Variants in SDK1 observed in about 807,000 individuals in gnomAD.
The protein encoded by SDK1 is sidekick cell adhesion molecule 1.
Under a neutral mutation model 245.5 loss-of-function variants are expected in SDK1, and 157 were observed. The ratio of observed to expected loss-of-function variants is 0.64; its 90% CI spans 0.56 to 0.73. The LOEUF (loss-of-function observed/expected upper bound fraction) is 0.73. SDK1 is among the 30% of genes least tolerant of loss of function. The pLI, the probability that SDK1 is intolerant of heterozygous loss-of-function variation, is 0.00. For missense variants in SDK1, 3,583 were observed against 3,002.3 expected (o/e 1.19, Z -4.52); for synonymous variants, 1,647 against 1,278.5 (o/e 1.29, Z -6.15).
At chr7:3,537,729 T>C (rs552044481) in intron 1 of SDK1, among the ~76,000 whole-genome samples, 1 of 152,290 alleles carries the variant, frequency 6.6e-6, no homozygotes, top group East Asian at 1.9e-4. Context: ...ACTTGACTCT[T>C]GATGTGTCGG....
rs138733387 is a variant in SDK1, at chr7:3,907,428, T to G, written c.848-43495T>G. ...TAATGTTTGTAAGGATTGTCTACAT[T>G]GTAGCATGTGTCAAAAACTCATTGC... On this transcript the variant is annotated intron_variant, in intron 5 of 44. Transcript: ENST00000404826. 3.0e-4 allele frequency among the ~76,000 whole-genome samples: 46 copies of G among 152,350 alleles called. No individual in the cohort carries two copies. In the East Asian group the frequency reaches 5.0e-3, roughly 17 times the overall value.
At chr7:3,677,716 T>C (rs78635010) in intron 4 of SDK1, among the ~76,000 whole-genome samples, 233 of 152,362 alleles carry the variant, frequency 1.5e-3, no homozygotes, top group African/African-American at 5.4e-3. Flanking sequence ...TGTGAATATA[T>C]ATTTTATATC....
intron 35 of SDK1, among the ~76,000 whole-genome samples, chr7:4,179,656 C>A (rs77439173): frequency 6.6e-6 from 1 of 151,932 alleles, no homozygotes; most frequent in Non-Finnish European, 1.5e-5. Flanking sequence ...CACCGAGGTA[C>A]GGCTCAGCTT....
intron 4 of SDK1, among the ~76,000 whole-genome samples, chr7:3,720,533 A>T (rs187588674): frequency 6.6e-6 from 1 of 152,372 alleles, no homozygotes. Context: ...AGGAGATATC[A>T]CTACAAACCC....
At chr7:3,375,625 C>T (rs73050538) in intron 1 of SDK1, among the ~76,000 whole-genome samples, 1 of 152,122 alleles carries the variant, frequency 6.6e-6, no homozygotes, top group African/African-American at 2.4e-5. Flanking sequence ...GAGCTGGCTA[C>T]CTTTCGTGAG....
intron 1 of SDK1, among the ~76,000 whole-genome samples, chr7:3,318,432 G>A (rs1421625329): frequency 6.6e-6 from 1 of 152,196 alleles, no homozygotes; most frequent in Admixed American, 6.5e-5. Context: ...AGGATTAGAG[G>A]AGATAATGTA....
chr7:3,560,886 G>C (rs1161095286), intron 1 of SDK1, among the ~76,000 whole-genome samples: 1 of 152,158 alleles, frequency 6.6e-6, no homozygotes, highest in Non-Finnish European at 1.5e-5. Flanking sequence ...CCAGATGGCT[G>C]TTTCCTACAC....
intron 22 of SDK1, among the ~76,000 whole-genome samples, chr7:4,103,474 G>A (rs191183440): frequency 6.6e-6 from 1 of 152,198 alleles, no homozygotes. Flanking sequence ...CACGAAAAAA[G>A]AGTCCTGGTC....
At chr7:3,835,313 G>A (rs1331178085) in intron 5 of SDK1, among the ~76,000 whole-genome samples, 1 of 152,112 alleles carries the variant, frequency 6.6e-6, no homozygotes, top group African/African-American at 2.4e-5. Flanking sequence ...TTTTATGACT[G>A]CATTTGACCT....
chr7:4,184,382 G>A (rs1280735377), intron 35 of SDK1, among the ~76,000 whole-genome samples: 1 of 152,206 alleles, frequency 6.6e-6, no homozygotes, highest in Non-Finnish European at 1.5e-5. Context: ...TTGTGCTGCT[G>A]TGGGGAGACC....
In SDK1 at chr7:3,602,894, A is replaced by G. The variant is rs1471363920; in HGVS notation, c.299-16186A>G. On this transcript the variant is annotated intron_variant, in intron 1 of 44. Transcript: ENST00000404826. Reference sequence around the variant, plus strand: ...GGAATCCAGTTTCAGCTTTCTACATATGGCTAGCCAGTTTTCCCAGCACCA... The same window carrying G: ...GGAATCCAGTTTCAGCTTTCTACATGTGGCTAGCCAGTTTTCCCAGCACCA... 5.3e-5 allele frequency among the ~76,000 whole-genome samples: 8 copies of G among 152,204 alleles called. No individual in the cohort carries two copies. In the Middle Eastern group the frequency reaches 0.01, roughly 194 times the overall value.
chr7:3,549,671 T>G (rs368720790), intron 1 of SDK1, among the ~76,000 whole-genome samples: 6 of 152,270 alleles, frequency 3.9e-5, no homozygotes, highest in African/African-American at 9.6e-5. Context: ...CTTAGGCTAT[T>G]GTAAATAAGC....
chr7:3,650,170 C>G (rs1021022315), intron 4 of SDK1, among the ~76,000 whole-genome samples: 2 of 152,184 alleles, frequency 1.3e-5, no homozygotes, highest in African/African-American at 2.4e-5. Context: ...CTGCTTTGGC[C>G]TCCCAGAGCG....
intron 1 of SDK1, among the ~76,000 whole-genome samples, chr7:3,550,794 C>T (rs1228678718): frequency 6.6e-6 from 1 of 151,926 alleles, no homozygotes; most frequent in Non-Finnish European, 1.5e-5. Flanking sequence ...GAACTCTTGC[C>T]ATATTTCCTT....
chr7:3,820,213 G>C (rs554502855), intron 4 of SDK1, among the ~76,000 whole-genome samples: 6 of 152,016 alleles, frequency 3.9e-5, no homozygotes, highest in Non-Finnish European at 7.4e-5. Context: ...GTGGCGGCGT[G>C]ATCTCAGCTC....
At chr7:4,127,565 C>A in intron 26 of SDK1, 69 bp downstream of exon 26, 1 of 1,139,958 alleles carries the variant, frequency 8.8e-7, no homozygotes, top group Non-Finnish European at 1.3e-6. Flanking sequence ...ATGTGCTATT[C>A]CCCCAAAGCA....
rs539799129 is a variant in SDK1 at position 3,625,627 on chromosome 7, T to C, written c.458+6388T>C. On this transcript the variant is annotated intron_variant, in intron 2 of 44. Coordinates refer to ENST00000404826, the MANE Select transcript of SDK1 (RefSeq NM_152744.4). ...CGTCTATGGAGTCTTATGAAATGCA[T>C]CTCAGAAGTGCCCACTCTAATGGGT... is the stretch of plus-strand genomic sequence containing the variant. Among the ~76,000 whole-genome samples the C allele has an allele frequency of 3.3e-5, 5 of 152,326 alleles. No individual in the cohort carries two copies. In the East Asian group the frequency reaches 9.6e-4, roughly 29 times the overall value.
intron 1 of SDK1, among the ~76,000 whole-genome samples, chr7:3,492,145 G>A (rs1781881547): frequency 6.6e-6 from 1 of 152,196 alleles, no homozygotes; most frequent in Admixed American, 6.5e-5. Flanking sequence ...GGATGCTAGG[G>A]AACTTAGTAA....
intron 30 of SDK1, among the ~76,000 whole-genome samples, chr7:4,157,096 C>T (rs1780779802): frequency 6.6e-6 from 1 of 152,114 alleles, no homozygotes; most frequent in African/African-American, 2.4e-5. Flanking sequence ...GAGGAACCAG[C>T]CAGTGACTGG....
Sources: gnomAD v4.1 joint callset for allele counts (sites outside exome capture counted in the v4.1 genomes callset) on GRCh38, gnomAD v4.1.1 for gene constraint, MANE v1.5 for transcripts, NCBI Gene and HGNC (gene_info 2026-07-23, HGNC 2026-07-21) for gene names.